Variants in PACSIN2 observed in about 807,000 individuals in gnomAD.
PACSIN2 encodes protein kinase C and casein kinase substrate in neurons 2.
Under a neutral mutation model 63.8 loss-of-function variants are expected in PACSIN2, and 25 were observed. That is an observed-to-expected ratio of 0.39 (90% CI 0.29 to 0.55). The LOEUF (loss-of-function observed/expected upper bound fraction) is 0.55, where lower values mean the gene tolerates loss of function less well. PACSIN2 is among the 20% of genes least tolerant of loss of function. PACSIN2 has a pLI of 0.62. For synonymous variants in PACSIN2, 255 were observed against 256.2 expected, an observed-to-expected ratio of 1.00 and a Z score of 0.05; for missense variants, 518 against 646.9, an observed-to-expected ratio of 0.80 and a Z score of 2.16.
chr22:42,933,839 A>C (rs888782553), intron 1 of PACSIN2, among the ~76,000 whole-genome samples: 3 of 152,252 alleles, frequency 2.0e-5, no homozygotes, highest in Non-Finnish European at 4.4e-5. Flanking sequence ...TCTGATTGTA[A>C]GGAATTGTAA....
chr22:42,991,726 C>A (rs1277929673), intron 1 of PACSIN2, among the ~76,000 whole-genome samples: 1 of 151,660 alleles, frequency 6.6e-6, no homozygotes, highest in Admixed American at 6.6e-5. Flanking sequence ...ATTCCCAGAC[C>A]TCTGGGTTTC....
intron 1 of PACSIN2, among the ~76,000 whole-genome samples, chr22:42,984,972 CTTGTTCTGT>C (rs528028719): frequency 3.6e-4 from 55 of 152,268 alleles, no homozygotes; most frequent in African/African-American, 1.3e-3. Context: ...TGTGGATTTG[CTTGTTCTGT>C]TTGGCAACCA....
chr22:43,004,035 A>G (rs1923935383), intron 1 of PACSIN2, among the ~76,000 whole-genome samples: 2 of 152,198 alleles, frequency 1.3e-5, no homozygotes, highest in Admixed American at 6.5e-5. Flanking sequence ...AATCTCCCTC[A>G]TGTCTATGTT....
intron 1 of PACSIN2, among the ~76,000 whole-genome samples, chr22:42,992,788 C>T (rs1457510210): frequency 1.3e-5 from 2 of 152,180 alleles, no homozygotes; most frequent in East Asian, 3.8e-4. Flanking sequence ...AAAAATGAAA[C>T]TAACTGATAA....
Position 42,931,208 on chromosome 22 carries a change from G to C in PACSIN2, c.-77-19051C>G, listed in dbSNP as rs1932771456. ...CAGCACCTGGCTTACACGAGGCAATGATATGTGAGAAGCAGCAATGAATGA... is the reference window on the plus strand; with the variant it reads ...CAGCACCTGGCTTACACGAGGCAATCATATGTGAGAAGCAGCAATGAATGA... On this transcript the variant is annotated intron_variant, in intron 1 of 10. Transcript: ENST00000263246. 2.6e-5 allele frequency among the ~76,000 whole-genome samples: 4 copies of C among 152,258 alleles called. No individual in the cohort carries two copies. In the South Asian group the frequency reaches 6.2e-4, roughly 24 times the overall value.
chr22:42,909,066 G>C (rs1931277062), intron 2 of PACSIN2, among the ~76,000 whole-genome samples: 1 of 152,086 alleles, frequency 6.6e-6, no homozygotes, highest in African/African-American at 2.4e-5. Flanking sequence ...ATGTCCCTGT[G>C]GGTAACCTCT....
At chr22:42,877,413 G>A (rs1256508243) in intron 8 of PACSIN2, among the ~76,000 whole-genome samples, 2 of 152,086 alleles carry the variant, frequency 1.3e-5, no homozygotes, top group African/African-American at 4.8e-5. Context: ...GAGAGTGACA[G>A]TGTGGGAGGG....
chr22:42,909,446 G>T, intron 2 of PACSIN2: 1 of 452,364 alleles, frequency 2.2e-6, no homozygotes. Flanking sequence ...TGTGCAGTTG[G>T]CAGTGTGCAC....
chr22:42,940,613 C>T (rs1392069246), intron 1 of PACSIN2, among the ~76,000 whole-genome samples: 2 of 152,154 alleles, frequency 1.3e-5, no homozygotes, highest in African/African-American at 2.4e-5. Context: ...TGGAGAGGGG[C>T]CACCCCAGGT....
intron 3 of PACSIN2, among the ~76,000 whole-genome samples, chr22:42,892,596 C>T (rs1435069122): frequency 6.6e-6 from 1 of 152,218 alleles, no homozygotes; most frequent in African/African-American, 2.4e-5. Context: ...AGGGAGCTGA[C>T]CTATCCTAGG....
chr22:42,881,521 C>T (rs925934615), intron 7 of PACSIN2, among the ~76,000 whole-genome samples: 1 of 152,186 alleles, frequency 6.6e-6, no homozygotes, highest in Non-Finnish European at 1.5e-5. Context: ...GCTGACGCCA[C>T]GTGCTTAAGC....
In PACSIN2 at chr22:42,898,551, G is replaced by A. The variant is rs144806979; in HGVS notation, c.61-4938C>T. Among the ~76,000 whole-genome samples, 19 of 152,218 alleles carry A rather than the reference G, an allele frequency of 1.2e-4. No individual in the cohort carries two copies. The East Asian group carries it at 1.5e-3, about 12-fold the overall frequency. On this transcript the variant is annotated intron_variant, in intron 2 of 10. Coordinates refer to ENST00000263246, the MANE Select transcript of PACSIN2 (RefSeq NM_001184970.3). ...CTCCCAAAGTGCTGGGATTACAGGC[G>A]TGAGCCACTGTGCCCGGCTGAGAAC...
At chr22:42,916,727 A>G (rs1428239254) in intron 1 of PACSIN2, among the ~76,000 whole-genome samples, 1 of 152,162 alleles carries the variant, frequency 6.6e-6, no homozygotes, top group African/African-American at 2.4e-5. Flanking sequence ...ATCCATGTGC[A>G]GGGACACACC....
intron 1 of PACSIN2, among the ~76,000 whole-genome samples, chr22:42,973,911 G>A (rs1198841423): frequency 6.6e-6 from 1 of 152,248 alleles, no homozygotes; most frequent in Non-Finnish European, 1.5e-5. Context: ...ACATAGCTCA[G>A]GTGTGGATGC....
Position 42,876,274 on chromosome 22 carries a change from T to C in PACSIN2, c.1211A>G (p.Asn404Ser). 1.9e-6 allele frequency: 3 copies of C among 1,614,216 alleles called. No homozygotes were observed. The highest frequency in any genetic ancestry group is 2.5e-6 in the Non-Finnish European group (3 of 1,180,034). The change falls in exon 10 of 11, where the codon AAC becomes AGC. Residue 404 changes from asparagine to serine, a missense_variant. Asn to Ser is a conservative substitution (Grantham distance 46). Transcript: ENST00000263246. Reference sequence around the variant, plus strand: ...GGCATCCGTGGAGGAGAAGGGGTTGTTAGACTCATCGTCTGACCAGTCGGT... The same window carrying C: ...GGCATCCGTGGAGGAGAAGGGGTTGCTAGACTCATCGTCTGACCAGTCGGT... ...YPTDWSDDES[N>S]NPFSSTDANG...
intron 1 of PACSIN2, among the ~76,000 whole-genome samples, chr22:42,976,266 C>T (rs1478122457): frequency 5.9e-5 from 9 of 152,232 alleles, no homozygotes; most frequent in Admixed American, 2.6e-4. Context: ...ATCACTTTAA[C>T]GATCCTCTTC....
chr22:42,877,807 G>A (rs1028563843), intron 8 of PACSIN2, among the ~76,000 whole-genome samples: 3 of 152,170 alleles, frequency 2.0e-5, no homozygotes, highest in African/African-American at 4.8e-5. Flanking sequence ...TCCTAGGACC[G>A]GGCTACCCTG....
rs774039894 is a variant in PACSIN2, at chr22:42,884,504, T to G, written c.667A>C (p.Met223Leu). 3 of 1,614,190 alleles carry G rather than the reference T, an allele frequency of 1.9e-6. No homozygotes were observed. Among genetic ancestry groups the G allele is most frequent in the Non-Finnish European group, 2.5e-6 (3 of 1,180,000 alleles). Residue 223 changes from methionine to leucine, a missense_variant, in exon 6 of 11, where the codon ATG (methionine) becomes CTG (leucine). Physicochemically the swap from Met to Leu is conservative, Grantham distance 15 (BLOSUM62 2). This residue lies in a region of PACSIN2 where 507 missense variants were observed against 612.3 expected (regional missense o/e 0.83). Coordinates refer to ENST00000263246, the MANE Select transcript of PACSIN2 (RefSeq NM_001184970.3). ...KELDQGTPQYMENMEQVFEQC... is the reference protein window; with the variant it reads ...KELDQGTPQYLENMEQVFEQC... ...TCAAACACCTGCTCCATGTTCTCCA[T>G]GTACTGGGGTGTGCCCTGGTCGAGT...
chr22:42,981,068 T>C (rs1922072527), intron 1 of PACSIN2, among the ~76,000 whole-genome samples: 1 of 147,732 alleles, frequency 6.8e-6, no homozygotes, highest in South Asian at 2.2e-4. Context: ...CCATCCCATC[T>C]AGGAAGTGAG....
Sources: gnomAD v4.1 joint callset for allele counts (sites outside exome capture counted in the v4.1 genomes callset) on GRCh38, gnomAD v4.1.1 for gene constraint, gnomAD v4.1.1 regional missense constraint, MANE v1.5 for transcripts, NCBI Gene and HGNC (gene_info 2026-07-23, HGNC 2026-07-21) for gene names.